Variants in BLTP1 observed in about 807,000 individuals in gnomAD.
BLTP1 encodes the protein fragile site-associated protein.
the BLTP1 span, chr4:122,316,673 G>C: frequency 6.4e-7 from 1 of 1,571,770 alleles, no homozygotes; most frequent in African/African-American, 1.4e-5. Context: ...TTTTGTGATA[G>C]TATAGATTTG....
the BLTP1 span, chr4:122,194,682 A>G: frequency 3.4e-6 from 3 of 890,670 alleles, no homozygotes; most frequent in East Asian, 1.2e-4. Context: ...ATTTTTTAGC[A>G]CTTAAATAAA....
the BLTP1 span, among the ~76,000 whole-genome samples, chr4:122,274,912 G>C: frequency 6.6e-6 from 1 of 152,082 alleles, no homozygotes; most frequent in Non-Finnish European, 1.5e-5. Flanking sequence ...CTACCTTGGG[G>C]AATATTTCCT....
chr4:122,258,426 C>T, the BLTP1 span, among the ~76,000 whole-genome samples: 1 of 152,142 alleles, frequency 6.6e-6, no homozygotes, highest in Non-Finnish European at 1.5e-5. Context: ...CTGCAAATCC[C>T]TCTGTTAATC....
At chr4:122,333,850 G>A in the BLTP1 span, 4 of 1,567,474 alleles carry the variant, frequency 2.6e-6, no homozygotes, top group Non-Finnish European at 2.6e-6. Flanking sequence ...TAGACTATTG[G>A]TAGCAATGTT....
At chr4:122,282,005 A>G in the BLTP1 span, 18 of 983,482 alleles carry the variant, frequency 1.8e-5, no homozygotes, top group South Asian at 6.6e-4. Context: ...TTATTCAACT[A>G]TGGAGGCCAT....
chr4:122,260,008 G>A, the BLTP1 span: 1 of 645,086 alleles, frequency 1.6e-6, no homozygotes, highest in Non-Finnish European at 1.9e-6. Flanking sequence ...TAATGACAGG[G>A]ATGATGCATT....
chr4:122,330,231 TG>T, the BLTP1 span, among the ~76,000 whole-genome samples: 2 of 151,854 alleles, frequency 1.3e-5, no homozygotes, highest in African/African-American at 4.8e-5. Context: ...TCAATTCTTT[TG>T]GATAAATACC....
At chr4:122,224,067 T>G in the BLTP1 span, 22 of 982,992 alleles carry the variant, frequency 2.2e-5, no homozygotes, top group Non-Finnish European at 2.7e-5. Context: ...AGTTTACTTT[T>G]CCCCACCATT....
At chr4:122,301,932 T>G in the BLTP1 span, 1 of 152,280 alleles carries the variant, frequency 6.6e-6, no homozygotes, top group African/African-American at 2.4e-5. Flanking sequence ...ATTAGCCAGG[T>G]GGGTGGCACA....
At chr4:122,173,130 C>A in the BLTP1 span, 1 of 1,611,348 alleles carries the variant, frequency 6.2e-7, no homozygotes, top group Non-Finnish European at 8.5e-7. Flanking sequence ...ACAGATTATA[C>A]AAGCATGGCT....
At chr4:122,239,802 A>G in the BLTP1 span, 1 of 1,614,186 alleles carries the variant, frequency 6.2e-7, no homozygotes, top group Non-Finnish European at 8.5e-7. Flanking sequence ...AGCAGACTCT[A>G]ATTCATTTCA....
At chr4:122,356,628 C>A in the BLTP1 span, 1 of 1,611,476 alleles carries the variant, frequency 6.2e-7, no homozygotes, top group Admixed American at 1.7e-5. Flanking sequence ...CAGATGCCAG[C>A]CTGAAGCCAA....
chr4:122,325,647 G>T, the BLTP1 span: 9 of 1,074,656 alleles, frequency 8.4e-6, no homozygotes, highest in African/African-American at 1.7e-5. Context: ...AAATGTAAAC[G>T]TGGAATATTG....
At chr4:122,327,317 C>T in the BLTP1 span, among the ~76,000 whole-genome samples, 2 of 151,766 alleles carry the variant, frequency 1.3e-5, no homozygotes, top group Admixed American at 6.6e-5. Flanking sequence ...AACCTACATA[C>T]ATCCTCCCAT....
At chr4:122,173,177 T>C in the BLTP1 span, 2 of 1,599,668 alleles carry the variant, frequency 1.3e-6, no homozygotes, top group Non-Finnish European at 8.5e-7. Flanking sequence ...ACACTGAATT[T>C]TTTTCTTCCT....
the BLTP1 span, among the ~76,000 whole-genome samples, chr4:122,311,954 A>G: frequency 1.3e-5 from 2 of 152,196 alleles, no homozygotes; most frequent in African/African-American, 4.8e-5. Context: ...ATTCAGATCT[A>G]CATCTAAAAA....
the BLTP1 span, chr4:122,272,253 T>G: frequency 1.2e-6 from 2 of 1,613,302 alleles, no homozygotes; most frequent in Non-Finnish European, 1.7e-6. Flanking sequence ...AAACGTAGCT[T>G]GGTAACTTCT....
the BLTP1 span, chr4:122,201,247 C>A: frequency 1.3e-6 from 1 of 748,728 alleles, no homozygotes; most frequent in Non-Finnish European, 2.0e-6. Flanking sequence ...TTCAACATTT[C>A]ATTTTGGGCT....
chr4:122,251,854 C>G, the BLTP1 span, among the ~76,000 whole-genome samples: 1 of 152,150 alleles, frequency 6.6e-6, no homozygotes, highest in Non-Finnish European at 1.5e-5. Context: ...TGATGAATTT[C>G]ATTTCCTAGG....
Sources: allele counts gnomAD v4.1 joint callset (sites outside exome capture counted in the v4.1 genomes callset), GRCh38; gene constraint gnomAD v4.1.1; transcripts MANE v1.5; gene names NCBI Gene and HGNC (gene_info 2026-07-23, HGNC 2026-07-21).